PIP4K2A: variants seen among roughly 807,000 people sequenced by gnomAD.
PIP4K2A encodes the protein phosphatidylinositol 5-phosphate 4-kinase type-2 alpha.
In PIP4K2A, 14 loss-of-function variants were observed where a neutral mutation model predicts 42.9. The ratio of observed to expected loss-of-function variants is 0.33; its 90% CI spans 0.22 to 0.51. The LOEUF is 0.51. PIP4K2A is among the 20% of genes least tolerant of loss of function. PIP4K2A has a pLI of 0.97. For missense variants in PIP4K2A, 434 were observed against 519.8 expected (o/e 0.83, Z 1.61); for synonymous variants, 192 against 192.2 (o/e 1.00, Z 0.01).
At position 22,536,729 on chromosome 10, in the gene PIP4K2A, A is replaced by AAAAAAAAAAACAAAACAAAAC. The variant is rs1835935840; in HGVS notation, c.*471_*472insGTTTTGTTTTGTTTTTTTTTT. On this transcript the variant is annotated 3_prime_UTR_variant, in exon 10 of 10. Transcript: ENST00000376573. ...CTTTCAACTCCAAAAAAAAAAAAAA[A>AAAAAAAAAAACAAAACAAAAC]AAAAAAAAACTGATCCACAGTTTGT... 4.7e-5 allele frequency: 7 copies of AAAAAAAAAAACAAAACAAAAC among 149,350 alleles called. No homozygotes were observed. The highest frequency in any genetic ancestry group is 1.0e-4 in the Non-Finnish European group (7 of 67,210). 9.3% of individuals were successfully genotyped at this position (149,350 alleles called of 1,614,324 possible). A position where few individuals can be genotyped will look rare whatever the true frequency, so the allele number is the denominator to read the frequency against.
Position 22,536,282 on chromosome 10 carries a change from T to C in PIP4K2A, c.*919A>G. Reference sequence around the variant, plus strand: ...AGATGTAGATACCATTGCCCCAAACTATGCACTTTTCAGGTAAGCTTTACT... The same window carrying C: ...AGATGTAGATACCATTGCCCCAAACCATGCACTTTTCAGGTAAGCTTTACT... On this transcript the variant is annotated 3_prime_UTR_variant, in exon 10 of 10. Transcript: ENST00000376573. 2.5e-6 allele frequency: 1 copy of C among 396,132 alleles called. No individual in the cohort carries two copies. The highest frequency in any genetic ancestry group is 4.4e-6 in the Non-Finnish European group (1 of 224,966). The allele number at this position is 396,132 out of a possible 1,614,324, so 24.5% of individuals were successfully genotyped here. A position where few individuals can be genotyped will look rare whatever the true frequency, so the allele number is the denominator to read the frequency against.
intron 3 of PIP4K2A, among the ~76,000 whole-genome samples, chr10:22,598,419 A>G (rs1360417992): frequency 1.3e-5 from 2 of 152,228 alleles, no homozygotes; most frequent in Non-Finnish European, 2.9e-5. Flanking sequence ...AGTGACAGTA[A>G]GTTATTTCCT....
chr10:22,647,820 C>T (rs550169615), intron 1 of PIP4K2A, among the ~76,000 whole-genome samples: 5 of 152,274 alleles, frequency 3.3e-5, no homozygotes, highest in South Asian at 4.1e-4. Context: ...TACATGCAAG[C>T]GACCCTTTGG....
At chr10:22,670,533 G>C (rs972571761) in intron 1 of PIP4K2A, among the ~76,000 whole-genome samples, 1 of 152,016 alleles carries the variant, frequency 6.6e-6, no homozygotes, top group Non-Finnish European at 1.5e-5. Context: ...TATTGCATAC[G>C]TACAGGGCAT....
chr10:22,650,864 G>C (rs892764044), intron 1 of PIP4K2A, among the ~76,000 whole-genome samples: 1 of 151,232 alleles, frequency 6.6e-6, no homozygotes, highest in South Asian at 2.1e-4. Flanking sequence ...CCTTTTACTG[G>C]CTGGCTGTTC....
At chr10:22,644,413 G>A (rs752920951) in intron 1 of PIP4K2A, among the ~76,000 whole-genome samples, 4 of 152,114 alleles carry the variant, frequency 2.6e-5, no homozygotes, top group Non-Finnish European at 4.4e-5. Context: ...TGCAGCCCAG[G>A]GCATCCTATG....
At chr10:22,609,189 T>C (rs1261062503) in intron 2 of PIP4K2A, among the ~76,000 whole-genome samples, 2 of 152,200 alleles carry the variant, frequency 1.3e-5, no homozygotes, top group Non-Finnish European at 2.9e-5. Flanking sequence ...GAAGGAGGAA[T>C]GTTATCAATG....
At chr10:22,692,815 C>T (rs1839900005) in intron 1 of PIP4K2A, among the ~76,000 whole-genome samples, 1 of 152,196 alleles carries the variant, frequency 6.6e-6, no homozygotes, top group South Asian at 2.1e-4. Context: ...TAGGAATCTT[C>T]TTTCAGTCAA....
rs140138683 is a variant in PIP4K2A, at chr10:22,613,675, G to A, written c.145-3958C>T. Reference sequence around the variant, plus strand: ...TGGACAAGTTTAAATAGAGACAGGAGGCTGGGCTTCCGGGCAGAGCTGAGC... The same window carrying A: ...TGGACAAGTTTAAATAGAGACAGGAAGCTGGGCTTCCGGGCAGAGCTGAGC... On this transcript the variant is annotated intron_variant, in intron 1 of 9. Coordinates refer to ENST00000376573, the MANE Select transcript of PIP4K2A (RefSeq NM_005028.5). 7.9e-4 allele frequency among the ~76,000 whole-genome samples: 121 copies of A among 152,300 alleles called. 1 individual carries two copies. The East Asian group carries it at 0.017, about 21-fold the overall frequency.
intron 5 of PIP4K2A, among the ~76,000 whole-genome samples, chr10:22,568,345 C>T (rs997637435): frequency 2.6e-5 from 4 of 152,320 alleles, no homozygotes; most frequent in Middle Eastern, 3.4e-3. Context: ...ACATTACGTC[C>T]TTCTGTGGGC....
intron 1 of PIP4K2A, among the ~76,000 whole-genome samples, chr10:22,632,814 T>A (rs1838576225): frequency 6.6e-6 from 1 of 152,232 alleles, no homozygotes; most frequent in Non-Finnish European, 1.5e-5. Context: ...TCTCTTACAT[T>A]ATCAAATTTG....
chr10:22,577,233 G>A (rs1837146407), intron 4 of PIP4K2A, among the ~76,000 whole-genome samples: 1 of 152,134 alleles, frequency 6.6e-6, no homozygotes, highest in Non-Finnish European at 1.5e-5. Context: ...TACTTCAGGT[G>A]GAAAAGGGTG....
At chr10:22,706,908 TCTA>T (rs1833833689) in intron 1 of PIP4K2A, among the ~76,000 whole-genome samples, 2 of 152,166 alleles carry the variant, frequency 1.3e-5, no homozygotes, top group South Asian at 4.1e-4. Context: ...ACGATGATGT[TCTA>T]CTACAAAACA....
chr10:22,645,549 T>TAAAAAA (rs71395807), intron 1 of PIP4K2A, among the ~76,000 whole-genome samples: 1 of 126,920 alleles, frequency 7.9e-6, no homozygotes. Flanking sequence ...TCTATTTCTT[T>TAAAAAA]AAAAAAAAAA....
intron 1 of PIP4K2A, among the ~76,000 whole-genome samples, chr10:22,695,097 TTC>T (rs750918860): frequency 3.8e-4 from 58 of 152,202 alleles, no homozygotes; most frequent in Non-Finnish European, 7.4e-4. Context: ...TCATAAAATA[TTC>T]ACCATTTTTA....
At chr10:22,652,349 G>C (rs539426699) in intron 1 of PIP4K2A, among the ~76,000 whole-genome samples, 2 of 152,148 alleles carry the variant, frequency 1.3e-5, no homozygotes, top group South Asian at 4.1e-4. Context: ...TTGAACTCCT[G>C]ACCTCAAGTG....
At chr10:22,706,601 T>C (rs536977727) in intron 1 of PIP4K2A, among the ~76,000 whole-genome samples, 12 of 152,352 alleles carry the variant, frequency 7.9e-5, no homozygotes, top group African/African-American at 2.9e-4. Flanking sequence ...CTGTGTCCCC[T>C]GTAGTTATGC....
At chr10:22,560,161 G>C (rs1262079846) in intron 6 of PIP4K2A, among the ~76,000 whole-genome samples, 1 of 152,144 alleles carries the variant, frequency 6.6e-6, no homozygotes, top group African/African-American at 2.4e-5. Flanking sequence ...CGGAAGAAAA[G>C]GAATTTTACA....
intron 4 of PIP4K2A, among the ~76,000 whole-genome samples, chr10:22,582,803 AC>A (rs1196296925): frequency 3.3e-5 from 5 of 151,828 alleles, no homozygotes; most frequent in African/African-American, 1.2e-4. Context: ...AAATGATACA[AC>A]TTCCTTTGAG....
Sources: allele counts gnomAD v4.1 joint callset (sites outside exome capture counted in the v4.1 genomes callset), GRCh38; gene constraint gnomAD v4.1.1; transcripts MANE v1.5; gene names NCBI Gene and HGNC (gene_info 2026-07-23, HGNC 2026-07-21).